SOX5: variants seen among roughly 807,000 people sequenced by gnomAD.
SOX5 encodes the protein SRY-box transcription factor 5.
A neutral mutation model predicts 92.0 loss-of-function variants in SOX5; 9 were observed. The observed-to-expected ratio is 0.10, with a 90% CI of 0.06 to 0.17. The LOEUF (loss-of-function observed/expected upper bound fraction) is 0.17, where lower values mean the gene tolerates loss of function less well. SOX5 is among the 10% of genes least tolerant of loss of function. The pLI, the probability that SOX5 is intolerant of heterozygous loss-of-function variation, is 1.00. For missense variants in SOX5, 642 were observed against 944.5 expected (o/e 0.68, Z 4.20); for synonymous variants, 344 against 336.3 (o/e 1.02, Z -0.25).
intron 1 of SOX5, among the ~76,000 whole-genome samples, chr12:24,440,440 G>T (rs1940304208): frequency 6.6e-6 from 1 of 152,084 alleles, no homozygotes; most frequent in Non-Finnish European, 1.5e-5. Context: ...TGAAAGTGTG[G>T]CTCATTCCAT....
chr12:24,023,064 A>G (rs550148866), intron 4 of SOX5, among the ~76,000 whole-genome samples: 2 of 152,214 alleles, frequency 1.3e-5, no homozygotes, highest in Non-Finnish European at 2.9e-5. Flanking sequence ...AATCAACCCC[A>G]TATCTGAAAC....
intron 2 of SOX5, among the ~76,000 whole-genome samples, chr12:24,309,489 C>T (rs1168326694): frequency 6.6e-6 from 1 of 151,984 alleles, no homozygotes; most frequent in East Asian, 1.9e-4. Flanking sequence ...AAACTAGTTA[C>T]GCTCTTATTT....
At chr12:24,548,925 T>G (rs1028090611) in intron 1 of SOX5, among the ~76,000 whole-genome samples, 2 of 152,226 alleles carry the variant, frequency 1.3e-5, no homozygotes, top group African/African-American at 4.8e-5. Context: ...CTCTGTAACA[T>G]AGCTGAAAAA....
chr12:23,851,905 T>A (rs2096637760), intron 2 of SOX5, among the ~76,000 whole-genome samples: 1 of 152,112 alleles, frequency 6.6e-6, no homozygotes, highest in South Asian at 2.1e-4. Context: ...TATCTTGGGA[T>A]AGGGTCAGAA....
chr12:24,235,073 T>C (rs1964185265), intron 3 of SOX5, among the ~76,000 whole-genome samples: 1 of 152,216 alleles, frequency 6.6e-6, no homozygotes, highest in Non-Finnish European at 1.5e-5. Flanking sequence ...TTGTTTTGTT[T>C]GTTTTGCTTT....
intron 4 of SOX5, among the ~76,000 whole-genome samples, chr12:23,999,983 A>T (rs1448288095): frequency 6.6e-6 from 1 of 151,878 alleles, no homozygotes; most frequent in African/African-American, 2.4e-5. Context: ...TTATTTTCTA[A>T]TATCATCTCT....
chr12:24,327,003 A>G (rs950165901), intron 2 of SOX5, among the ~76,000 whole-genome samples: 12 of 152,204 alleles, frequency 7.9e-5, no homozygotes, highest in African/African-American at 2.7e-4. Context: ...ACAGCGTCTC[A>G]GACACAGTAG....
chr12:23,945,671 A>C (rs548788055), intron 1 of SOX5, among the ~76,000 whole-genome samples: 49 of 152,276 alleles, frequency 3.2e-4, no homozygotes, highest in African/African-American at 1.1e-3. Flanking sequence ...ATATAAATAA[A>C]ATTATCAAAG....
chr12:23,967,283 T>C (rs1451414928), intron 4 of SOX5, among the ~76,000 whole-genome samples: 1 of 151,358 alleles, frequency 6.6e-6, no homozygotes, highest in Non-Finnish European at 1.5e-5. Flanking sequence ...TTAAAATAGA[T>C]GCATTACAGC....
intron 2 of SOX5, among the ~76,000 whole-genome samples, chr12:23,894,299 C>T (rs1282837749): frequency 2.0e-5 from 3 of 152,020 alleles, no homozygotes; most frequent in Non-Finnish European, 2.9e-5. Flanking sequence ...GCGATCTCGG[C>T]TCACTGCAAC....
At chr12:24,556,141 T>C (rs965603693) in intron 1 of SOX5, among the ~76,000 whole-genome samples, 4 of 152,246 alleles carry the variant, frequency 2.6e-5, no homozygotes, top group Non-Finnish European at 5.9e-5. Flanking sequence ...ACTTGCCTCA[T>C]AGTCAAAAGG....
At chr12:24,383,073 T>C (rs73289762) in intron 1 of SOX5, among the ~76,000 whole-genome samples, 2,525 of 152,216 alleles carry the variant, frequency 0.017, 61 homozygotes, top group African/African-American at 0.057. Context: ...TGAGTATATA[T>C]GTATGTATTT....
intron 4 of SOX5, among the ~76,000 whole-genome samples, chr12:24,017,582 A>C (rs1299619673): frequency 2.0e-5 from 3 of 152,168 alleles, no homozygotes; most frequent in African/African-American, 7.2e-5. Context: ...CCTGGGTGAC[A>C]GAGTGAGACT....
At chr12:23,554,060 T>C (rs1352035350) in intron 11 of SOX5, among the ~76,000 whole-genome samples, 1 of 152,052 alleles carries the variant, frequency 6.6e-6, no homozygotes, top group African/African-American at 2.4e-5. Context: ...TTTTCAACTA[T>C]CCATGGTAGT....
At chr12:24,054,314 C>T (rs1957888694) in intron 4 of SOX5, among the ~76,000 whole-genome samples, 1 of 152,202 alleles carries the variant, frequency 6.6e-6, no homozygotes, top group East Asian at 1.9e-4. Context: ...ACATCTTCCT[C>T]AGAGAACAGT....
intron 2 of SOX5, among the ~76,000 whole-genome samples, chr12:23,858,482 C>A (rs958716238): frequency 6.6e-6 from 1 of 152,054 alleles, no homozygotes; most frequent in African/African-American, 2.4e-5. Context: ...CAAATAAAAA[C>A]CACAGCGAGA....
intron 7 of SOX5, among the ~76,000 whole-genome samples, chr12:23,653,900 C>G (rs2081996035): frequency 6.6e-6 from 1 of 152,074 alleles, no homozygotes; most frequent in Admixed American, 6.6e-5. Context: ...CTTTAAATCC[C>G]TAGTCCCTAG....
At chr12:23,943,512 T>C (rs2139619703) in intron 1 of SOX5, among the ~76,000 whole-genome samples, 1 of 152,214 alleles carries the variant, frequency 6.6e-6, no homozygotes, top group African/African-American at 2.4e-5. Flanking sequence ...ATCAGATACA[T>C]TTATACGCTG....
intron 2 of SOX5, among the ~76,000 whole-genome samples, chr12:24,329,022 T>A (rs558246): frequency 6.6e-6 from 1 of 152,140 alleles, no homozygotes; most frequent in Non-Finnish European, 1.5e-5. Flanking sequence ...TATTAACACT[T>A]AAGGTTTCTC....
Sources: allele counts gnomAD v4.1 joint callset (sites outside exome capture counted in the v4.1 genomes callset), GRCh38; gene constraint gnomAD v4.1.1; transcripts MANE v1.5; gene names NCBI Gene and HGNC (gene_info 2026-07-23, HGNC 2026-07-21).